SMAP1: variants seen among roughly 807,000 people sequenced by gnomAD.
SMAP1 encodes the protein small ArfGAP 1.
Under a neutral mutation model 58.5 loss-of-function variants are expected in SMAP1, and 24 were observed. That is an observed-to-expected ratio of 0.41 (90% CI 0.30 to 0.58). The LOEUF is 0.58. Among genes scored for constraint, SMAP1 ranks in the 20% least tolerant of loss-of-function variants. The pLI is 0.29. For missense variants in SMAP1, 563 were observed against 566.3 expected (o/e 0.99, Z 0.06); for synonymous variants, 216 against 196.6 (o/e 1.10, Z -0.82).
chr6:70,827,608 G>A (rs1770189306), intron 6 of SMAP1, among the ~76,000 whole-genome samples: 3 of 152,208 alleles, frequency 2.0e-5, no homozygotes, highest in South Asian at 2.1e-4. Context: ...ATCATCATAT[G>A]CAGTGATTCC....
At position 70,769,522 on chromosome 6, in the gene SMAP1, C is replaced by G. The variant is rs1767171929; in HGVS notation, c.339-3828C>G. ...CATTATGTAATGGCCTTCTTTGTCT[C>G]TTTTGATCTGTGTTGGTTTGAAGTC... On this transcript the variant is annotated intron_variant, in intron 3 of 10. Coordinates refer to ENST00000370455, the MANE Select transcript of SMAP1 (RefSeq NM_001044305.3). 1.3e-5 allele frequency among the ~76,000 whole-genome samples: 2 copies of G among 152,134 alleles called. 1 individual carries two copies. The highest frequency in any genetic ancestry group is 4.1e-4 in the South Asian group (2 of 4,820).
intron 5 of SMAP1, among the ~76,000 whole-genome samples, chr6:70,794,137 C>T (rs1286878638): frequency 6.6e-6 from 1 of 152,220 alleles, no homozygotes; most frequent in African/African-American, 2.4e-5. Flanking sequence ...TTTTCTTGCA[C>T]AGGAGGTCAG....
chr6:70,668,008 C>G lies in SMAP1; in HGVS notation c.-16C>G, dbSNP rs2274972. ...CGCCGCCGTAGCTGCCCCAGGCTCC[C>G]CGCCCCGCTGCCGAGATGGCGACGC... On this transcript the variant is annotated 5_prime_UTR_variant, in exon 1 of 11. Transcript: ENST00000370455. The G allele has an allele frequency of 6.3e-7, 1 of 1,576,026 alleles. No individual in the cohort carries two copies. The highest frequency in any genetic ancestry group is 1.1e-5 in the South Asian group (1 of 87,300).
chr6:70,709,947 A>T (rs1460829873), intron 1 of SMAP1, among the ~76,000 whole-genome samples: 1 of 151,408 alleles, frequency 6.6e-6, no homozygotes, highest in Non-Finnish European at 1.5e-5. Flanking sequence ...TCAGTCTTTC[A>T]TTACTTAATG....
intron 5 of SMAP1, among the ~76,000 whole-genome samples, chr6:70,794,093 A>G (rs1768492082): frequency 6.6e-6 from 1 of 152,084 alleles, no homozygotes; most frequent in African/African-American, 2.4e-5. Context: ...GTATGTACTT[A>G]CCTCCATCTT....
intron 2 of SMAP1, among the ~76,000 whole-genome samples, chr6:70,740,981 A>T (rs1415797697): frequency 6.6e-6 from 1 of 152,182 alleles, no homozygotes; most frequent in African/African-American, 2.4e-5. Context: ...CCAAGAGAAC[A>T]GTAAGGGGAA....
chr6:70,768,647 G>C (rs938225854), intron 3 of SMAP1, among the ~76,000 whole-genome samples: 64 of 151,896 alleles, frequency 4.2e-4, no homozygotes, highest in Middle Eastern at 3.4e-3. Context: ...CTCTTTTCTT[G>C]TTTATTAGTC....
At chr6:70,770,347 C>A (rs924598123) in intron 3 of SMAP1, among the ~76,000 whole-genome samples, 8 of 152,176 alleles carry the variant, frequency 5.3e-5, no homozygotes, top group Admixed American at 3.3e-4. Flanking sequence ...AGAGTGTTTT[C>A]GACCTTGGTT....
chr6:70,859,794 T>G (rs750208980), intron 10 of SMAP1: 16 of 175,482 alleles, frequency 9.1e-5, no homozygotes, highest in Non-Finnish European at 1.3e-4. Flanking sequence ...TTAGGAAGTA[T>G]ATAAGATTTT....
At chr6:70,758,712 G>C (rs1766620714) in intron 3 of SMAP1, among the ~76,000 whole-genome samples, 1 of 151,970 alleles carries the variant, frequency 6.6e-6, no homozygotes, top group East Asian at 1.9e-4. Context: ...AGTGGCATTG[G>C]GAATGGGCAG....
intron 2 of SMAP1, among the ~76,000 whole-genome samples, chr6:70,735,292 A>G (rs1562123288): frequency 6.6e-6 from 1 of 152,174 alleles, no homozygotes; most frequent in African/African-American, 2.4e-5. Context: ...TTTCCAGTCA[A>G]GTCCCCCAGG....
At chr6:70,840,703 G>A (rs554597686) in intron 7 of SMAP1, among the ~76,000 whole-genome samples, 188 of 152,340 alleles carry the variant, frequency 1.2e-3, no homozygotes, top group African/African-American at 4.3e-3. Flanking sequence ...GTGTTTGAAA[G>A]CTATAGGACT....
rs1402298231 is a variant in SMAP1 at position 70,748,976 on chromosome 6, CA to C, written c.253-6003del. ...AGGTAGGACTCTTCTTTCTCTCAAT[CA>C]GTTCCTCAGAAAATGGAGTAGAAGA... On this transcript the variant is annotated intron_variant, in intron 2 of 10. Transcript: ENST00000370455. Among the ~76,000 whole-genome samples, 7 of 152,050 alleles carry C rather than the reference CA, an allele frequency of 4.6e-5. No individual in the cohort carries two copies. In the East Asian group the frequency reaches 1.3e-3, roughly 29 times the overall value.
chr6:70,803,240 T>C (rs1359978423), intron 6 of SMAP1, among the ~76,000 whole-genome samples: 3 of 152,222 alleles, frequency 2.0e-5, no homozygotes, highest in African/African-American at 7.2e-5. Flanking sequence ...GGAGGGTGTA[T>C]GTGTCCAGCA....
rs1051261891 is a variant in SMAP1, at chr6:70,861,392, A to G, written c.*1058A>G. On this transcript the variant is annotated 3_prime_UTR_variant, in exon 11 of 11. Transcript: ENST00000370455. The stretch of plus-strand genomic sequence containing the variant: ...ATACTCAAGAGTGGTATCTTGCAGT[A>G]TCGGCACTGTACAAAAAAATCTTCC... 4 of 426,770 alleles carry G rather than the reference A, an allele frequency of 9.4e-6. No homozygotes were observed. Among genetic ancestry groups the G allele is most frequent in the Middle Eastern group, 6.4e-4 (1 of 1,566 alleles). 26.4% of individuals were successfully genotyped at this position (426,770 alleles called of 1,614,324 possible). A position where few individuals can be genotyped will look rare whatever the true frequency, so the allele number is the denominator to read the frequency against.
intron 1 of SMAP1, among the ~76,000 whole-genome samples, chr6:70,682,865 C>G (rs1766778201): frequency 6.6e-6 from 1 of 152,100 alleles, no homozygotes; most frequent in Non-Finnish European, 1.5e-5. Flanking sequence ...TGGCGAAACC[C>G]TGTCTCTACT....
Position 70,857,915 on chromosome 6 carries a change from G to A in SMAP1, c.962-7G>A, listed in dbSNP as rs751164993. 6.2e-7 allele frequency: 1 copy of A among 1,611,582 alleles called. No homozygotes were observed. Among genetic ancestry groups the A allele is most frequent in the South Asian group, 1.1e-5 (1 of 90,908 alleles). ...CTGTCTTCATTCATTTTCTTTTTGTGGTGCAGGTGTATTTATGGGACCCAC... is the reference window on the plus strand; with the variant it reads ...CTGTCTTCATTCATTTTCTTTTTGTAGTGCAGGTGTATTTATGGGACCCAC... On this transcript the variant is annotated splice_polypyrimidine_tract_variant and splice_region_variant and intron_variant, in intron 9 of 10. Coordinates refer to ENST00000370455, the MANE Select transcript of SMAP1 (RefSeq NM_001044305.3).
chr6:70,787,389 G>A (rs985047046), intron 4 of SMAP1, among the ~76,000 whole-genome samples: 1 of 152,126 alleles, frequency 6.6e-6, no homozygotes, highest in Non-Finnish European at 1.5e-5. Context: ...ATAGGCATGG[G>A]CAAGGACTTC....
intron 1 of SMAP1, among the ~76,000 whole-genome samples, chr6:70,707,229 T>C (rs1005896034): frequency 6.6e-6 from 1 of 152,230 alleles, no homozygotes; most frequent in African/African-American, 2.4e-5. Flanking sequence ...ACAAAATAAA[T>C]AAACATCATC....
Sources: gnomAD v4.1 joint callset for allele counts (sites outside exome capture counted in the v4.1 genomes callset) on GRCh38, gnomAD v4.1.1 for gene constraint, MANE v1.5 for transcripts, NCBI Gene and HGNC (gene_info 2026-07-23, HGNC 2026-07-21) for gene names.